SCFD2: variants seen among roughly 807,000 people sequenced by gnomAD.
SCFD2 encodes sec1 family domain-containing protein 2.
Under a neutral mutation model 58.9 loss-of-function variants are expected in SCFD2, and 54 were observed. The ratio of observed to expected loss-of-function variants is 0.92; its 90% CI spans 0.74 to 1.15. The LOEUF is 1.15. Ranked by LOEUF, SCFD2 falls within the 50% of genes most tolerant of loss-of-function variation. The probability of loss-of-function intolerance (pLI) is 0.00; values close to 1 mark genes in which losing one functional copy is unlikely to be tolerated. For synonymous variants in SCFD2, 321 were observed against 335.9 expected (o/e 0.96, Z 0.49); for missense variants, 805 against 836.6 (o/e 0.96, Z 0.47).
At chr4:53,095,541 C>G (rs1424496383) in intron 5 of SCFD2, among the ~76,000 whole-genome samples, 3 of 152,074 alleles carry the variant, frequency 2.0e-5, no homozygotes, top group Non-Finnish European at 4.4e-5. Context: ...AGTCTTACTC[C>G]CCTCTTCAGT....
chr4:52,974,632 C>T (rs950300154), intron 5 of SCFD2, among the ~76,000 whole-genome samples: 3 of 152,098 alleles, frequency 2.0e-5, no homozygotes, highest in Admixed American at 2.0e-4. Flanking sequence ...CCCCATCAAG[C>T]TACCAATGAC....
At chr4:53,312,596 A>G (rs1732723996) in intron 3 of SCFD2, among the ~76,000 whole-genome samples, 1 of 152,208 alleles carries the variant, frequency 6.6e-6, no homozygotes, top group Non-Finnish European at 1.5e-5. Context: ...CTAATACACT[A>G]AAAGTCATAT....
chr4:52,990,711 G>A (rs775762932), intron 5 of SCFD2, among the ~76,000 whole-genome samples: 6 of 152,098 alleles, frequency 3.9e-5, no homozygotes, highest in Non-Finnish European at 7.3e-5. Flanking sequence ...TTGAAGGCAG[G>A]TACTGTGTCT....
intron 6 of SCFD2, among the ~76,000 whole-genome samples, chr4:52,911,340 T>A (rs1217455243): frequency 6.6e-6 from 1 of 152,156 alleles, no homozygotes; most frequent in Non-Finnish European, 1.5e-5. Flanking sequence ...CTTGCTCCAC[T>A]TTTGACTAAA....
chr4:53,164,949 A>G (rs1307356538), intron 4 of SCFD2, among the ~76,000 whole-genome samples: 2 of 152,188 alleles, frequency 1.3e-5, no homozygotes, highest in Non-Finnish European at 2.9e-5. Context: ...CTAAGTAGCA[A>G]CAATGCTATA....
At chr4:53,238,540 C>T (rs1189598927) in intron 4 of SCFD2, among the ~76,000 whole-genome samples, 6 of 151,634 alleles carry the variant, frequency 4.0e-5, no homozygotes, top group Middle Eastern at 3.4e-3. Flanking sequence ...GGCTGCCGGG[C>T]GGAGACGCTC....
chr4:53,263,875 T>C (rs562534341), intron 4 of SCFD2, among the ~76,000 whole-genome samples: 16 of 152,266 alleles, frequency 1.1e-4, no homozygotes, highest in African/African-American at 3.6e-4. Flanking sequence ...TTATATCCTT[T>C]GTCTTTGGCA....
intron 5 of SCFD2, among the ~76,000 whole-genome samples, chr4:53,143,677 G>A (rs10022052): frequency 0.039 from 5,971 of 152,030 alleles, 269 homozygotes; most frequent in African/African-American, 0.11. Flanking sequence ...TCTGCTCCCG[G>A]GAAGTCTGGA....
intron 5 of SCFD2, among the ~76,000 whole-genome samples, chr4:52,991,138 CA>C (rs1445366680): frequency 6.6e-6 from 1 of 151,998 alleles, no homozygotes; most frequent in Admixed American, 6.6e-5. Context: ...AGCTTGTTTT[CA>C]GGTTAATATG....
At chr4:53,174,793 A>G (rs1190703027) in intron 4 of SCFD2, among the ~76,000 whole-genome samples, 1 of 152,244 alleles carries the variant, frequency 6.6e-6, no homozygotes, top group South Asian at 2.1e-4. Flanking sequence ...AATATGAAGC[A>G]GTAAGTCTTC....
chr4:53,151,252 A>G (rs1726496303), intron 4 of SCFD2, among the ~76,000 whole-genome samples: 2 of 152,246 alleles, frequency 1.3e-5, no homozygotes, highest in South Asian at 4.1e-4. Flanking sequence ...ATGCACAGCA[A>G]ACCAAATCTG....
intron 3 of SCFD2, among the ~76,000 whole-genome samples, chr4:53,291,672 G>A (rs1039518953): frequency 1.2e-4 from 18 of 151,006 alleles, no homozygotes; most frequent in African/African-American, 3.6e-4. Context: ...ATATAGCCAA[G>A]ACAATCTTAA....
intron 5 of SCFD2, 87 bp from the exon 6 acceptor site, chr4:52,920,957 A>T: frequency 1.5e-6 from 1 of 663,232 alleles, no homozygotes; most frequent in Non-Finnish European, 2.3e-6. Context: ...TGTAGTTGGG[A>T]GGTTTTTTTT....
At chr4:52,901,396 G>C (rs1345133904) in intron 7 of SCFD2, among the ~76,000 whole-genome samples, 2 of 152,170 alleles carry the variant, frequency 1.3e-5, no homozygotes, top group African/African-American at 4.8e-5. Context: ...CTGTGGAAGT[G>C]ATGTTATGTG....
intron 5 of SCFD2, among the ~76,000 whole-genome samples, chr4:53,089,893 A>G (rs997918960): frequency 1.3e-5 from 2 of 152,194 alleles, no homozygotes; most frequent in African/African-American, 4.8e-5. Flanking sequence ...TTATACAAAC[A>G]TATTTCCCCT....
intron 6 of SCFD2, 87 bp from the exon 7 acceptor site, chr4:52,907,678 A>T: frequency 7.6e-7 from 1 of 1,320,958 alleles, no homozygotes; most frequent in Non-Finnish European, 1.1e-6. Flanking sequence ...AAAGCAAAGC[A>T]AGTTTATTTT....
intron 4 of SCFD2, among the ~76,000 whole-genome samples, chr4:53,180,430 A>T (rs1464344100): frequency 1.3e-5 from 2 of 152,240 alleles, no homozygotes; most frequent in African/African-American, 4.8e-5. Context: ...GAAGGCAGAA[A>T]TAAAGATGTT....
chr4:52,972,518 G>A lies in SCFD2; in HGVS notation c.1562-51648C>T, dbSNP rs146688128. Among the ~76,000 whole-genome samples the A allele has an allele frequency of 9.8e-3, 1,498 of 152,100 alleles. 18 individuals carry two copies. Among genetic ancestry groups the A allele is most frequent in the Non-Finnish European group, 0.016 (1,096 of 67,944 alleles). Reference sequence around the variant, plus strand: ...ACAGGAGCACCCAGATTCATAAAGCGAGTCCTTAGAGACCTACAAAGAGAC... The same window carrying A: ...ACAGGAGCACCCAGATTCATAAAGCAAGTCCTTAGAGACCTACAAAGAGAC... On this transcript the variant is annotated intron_variant, in intron 5 of 8. Transcript: ENST00000401642.
At chr4:52,946,232 T>C (rs1171621079) in intron 5 of SCFD2, among the ~76,000 whole-genome samples, 1 of 152,172 alleles carries the variant, frequency 6.6e-6, no homozygotes, top group South Asian at 2.1e-4. Context: ...CTTCTTGGTA[T>C]AAAATGCATT....
Sources: gnomAD v4.1 joint callset for allele counts (sites outside exome capture counted in the v4.1 genomes callset) on GRCh38, gnomAD v4.1.1 for gene constraint, MANE v1.5 for transcripts, NCBI Gene and HGNC (gene_info 2026-07-23, HGNC 2026-07-21) for gene names.